Variants in KRT25 observed in about 807,000 individuals in gnomAD.
KRT25 encodes the protein keratin, type I cytoskeletal 25.
Under a neutral mutation model 47.6 loss-of-function variants are expected in KRT25, and 37 were observed. The observed-to-expected ratio is 0.78, with a 90% CI of 0.60 to 1.02. The LOEUF (loss-of-function observed/expected upper bound fraction) is 1.02, where lower values mean the gene tolerates loss of function less well. Ranked by LOEUF, KRT25 falls within the 50% of genes least tolerant of loss-of-function variation. KRT25 has a pLI of 0.00. For synonymous variants in KRT25, 203 were observed against 210.2 expected (o/e 0.97, Z 0.30); for missense variants, 542 against 550.3 (o/e 0.98, Z 0.15).
rs2038016120 is a variant in KRT25, at chr17:40,748,390, A to C, written c.1244-4T>G. 6.4e-7 allele frequency: 1 copy of C among 1,573,678 alleles called. No homozygotes were observed. Reference sequence around the variant, plus strand: ...ACCACTATGGCTTTGGCTGGGTCTGAGCATTAAAAATTAAAAGGAGATTTT... The same window carrying C: ...ACCACTATGGCTTTGGCTGGGTCTGCGCATTAAAAATTAAAAGGAGATTTT... On this transcript the variant is annotated splice_polypyrimidine_tract_variant and splice_region_variant and intron_variant, in intron 7 of 7. Coordinates refer to ENST00000312150, the MANE Select transcript of KRT25 (RefSeq NM_181534.4).
chr17:40,755,351 G>A (rs903272073), upstream of KRT25: 77 of 1,389,748 alleles, frequency 5.5e-5, no homozygotes, highest in Non-Finnish European at 7.2e-5. Context: ...GGTTTGGTTT[G>A]CCTTTTTATA....
In KRT25 at chr17:40,748,175, A is replaced by G. The variant is rs1257654023; in HGVS notation, c.*102T>C. ...AGAAAGAAAGTAACAGAAAGACAAC[A>G]GGTTAGACATTTTTCTTAGACATGC... On this transcript the variant is annotated 3_prime_UTR_variant, in exon 8 of 8. Coordinates refer to ENST00000312150, the MANE Select transcript of KRT25 (RefSeq NM_181534.4). The G allele has an allele frequency of 2.7e-5, 18 of 677,874 alleles. No homozygotes were observed. Among genetic ancestry groups the G allele is most frequent in the Non-Finnish European group, 3.9e-5 (16 of 405,762 alleles). 42.0% of individuals were successfully genotyped at this position (677,874 alleles called of 1,614,324 possible). A position where few individuals can be genotyped will look rare whatever the true frequency, so the allele number is the denominator to read the frequency against.
chr17:40,754,592 C>G (rs1292814971), intron 1 of KRT25, 124 bp from the exon 2 acceptor site: 1 of 900,934 alleles, frequency 1.1e-6, no homozygotes, highest in Non-Finnish European at 1.7e-6. Context: ...GTGGCAGGCA[C>G]CTGTAATCCC....
rs533477885 is a variant in KRT25 at position 40,750,955 on chromosome 17, G to T, written c.956C>A (p.Thr319Lys). The T allele has an allele frequency of 5.9e-4, 956 of 1,613,416 alleles. 23 individuals are homozygous for T. The South Asian group carries it at 9.2e-3, about 16-fold the overall frequency. The change falls in exon 5 of 8, where the codon ACG becomes AAG. Residue 319 changes from threonine to lysine, a missense_variant and splice_region_variant. By Grantham distance (78) the Thr-to-Lys change is moderately conservative. Coordinates refer to ENST00000312150, the MANE Select transcript of KRT25 (RefSeq NM_181534.4). ...GAAAAAAAATTGTTCTTTTCATACC[G>T]TGGCTAGGAGAGACTGAAGTTCAAT... ...LEIELQSLLA[T>K]KHSLECSLTE...
chr17:40,754,288 T>G lies in KRT25; in HGVS notation c.512+98A>C, dbSNP rs2038083540. The G allele has an allele frequency of 3.0e-6, 3 of 1,013,428 alleles. No homozygotes were observed. In the African/African-American group the frequency reaches 4.8e-5, roughly 16 times the overall value. The allele number at this position is 1,013,428 out of a possible 1,614,324, so 62.8% of individuals were successfully genotyped here. ...GTAATAACATCCTGTTTATGTGAAA[T>G]TCAAGTGTTTTATAATTTTGGAATA... is the stretch of plus-strand genomic sequence containing the variant. On this transcript the variant is annotated intron_variant, in intron 2 of 7. Transcript: ENST00000312150.
chr17:40,748,810 C>A (rs1207992821), intron 7 of KRT25, among the ~76,000 whole-genome samples: 2 of 152,166 alleles, frequency 1.3e-5, no homozygotes, highest in South Asian at 4.1e-4. Flanking sequence ...AGAAATCAAC[C>A]TAAATGCCCA....
chr17:40,754,522 A>C (rs1400361312), intron 1 of KRT25, 54 bp from the exon 2 acceptor site: 15 of 1,431,894 alleles, frequency 1.0e-5, no homozygotes, highest in African/African-American at 2.8e-5. Flanking sequence ...AATCTACTTA[A>C]TGCTTATTTC....
Position 40,751,033 on chromosome 17 carries a change from G to A in KRT25, c.878C>T (p.Thr293Ile). The change falls in exon 5 of 8, where the codon ACC becomes ATC. Residue 293 changes from threonine to isoleucine, a missense_variant. Transcript: ENST00000312150. ...QQISEDVGATTSARNELTEMK... is the reference protein window; with the variant it reads ...QQISEDVGATISARNELTEMK... ...TTCAGTCAGCTCATTCCGGGCTGAG[G>A]TTGTGGCTCCGACATCCTCAGAGAT... 2 of 1,614,174 alleles carry A rather than the reference G, an allele frequency of 1.2e-6. No individual in the cohort carries two copies. Among genetic ancestry groups the A allele is most frequent in the Non-Finnish European group, 1.7e-6 (2 of 1,180,044 alleles).
At chr17:40,753,638 C>G (rs1286545956) in intron 3 of KRT25, among the ~76,000 whole-genome samples, 2 of 125,394 alleles carry the variant, frequency 1.6e-5, no homozygotes, top group African/African-American at 6.2e-5. Flanking sequence ...GAGCCAAGAT[C>G]GCACCATTGC....
Position 40,753,900 on chromosome 17 carries a change from A to G in KRT25, c.629T>C (p.Leu210Pro). ...RTDLEIQYET[L>P]SEEMTYLKKN... ...TTTGAGGTAAGTCATCTCCTCACTC[A>G]GGGTTTCATACTGAATCTCCAGATC... Residue 210 changes from leucine to proline, a missense_variant, in exon 3 of 8, where the codon CTG becomes CCG. Coordinates refer to ENST00000312150, the MANE Select transcript of KRT25 (RefSeq NM_181534.4). The G allele has an allele frequency of 6.2e-7, 1 of 1,614,032 alleles. No individual in the cohort carries two copies. Among genetic ancestry groups the G allele is most frequent in the African/African-American group, 1.3e-5 (1 of 75,008 alleles).
intron 7 of KRT25, 80 bp downstream of exon 7, chr17:40,749,178 C>T: frequency 2.8e-6 from 3 of 1,069,990 alleles, no homozygotes; most frequent in Non-Finnish European, 4.3e-6. Context: ...TGTAACAAAC[C>T]TTCCAATGTA....
chr17:40,754,027 G>A lies in KRT25; in HGVS notation c.513-11C>T, dbSNP rs755288740. On this transcript the variant is annotated splice_polypyrimidine_tract_variant and intron_variant, in intron 2 of 7. Coordinates refer to ENST00000312150, the MANE Select transcript of KRT25 (RefSeq NM_181534.4). ...AGCTCATTTTCATACCTTAAAGAGT[G>A]TTAATGATTTCCTAATTTGTCACAT... The A allele has an allele frequency of 6.2e-7, 1 of 1,613,226 alleles. No homozygotes were observed. The highest frequency in any genetic ancestry group is 8.5e-7 in the Non-Finnish European group (1 of 1,179,440).
At chr17:40,748,859 T>C (rs1208655693) in intron 7 of KRT25, among the ~76,000 whole-genome samples, 3 of 152,186 alleles carry the variant, frequency 2.0e-5, no homozygotes, top group African/African-American at 7.2e-5. Context: ...CACCATGGAA[T>C]ATTATGCAGC....
intron 2 of KRT25, 37 bp from the exon 3 acceptor site, chr17:40,754,053 G>T: frequency 6.3e-7 from 1 of 1,599,140 alleles, no homozygotes; most frequent in Non-Finnish European, 8.6e-7. Flanking sequence ...TTTGTCACAT[G>T]GTTGGAGACA....
At chr17:40,753,747 C>A in intron 3 of KRT25, 113 bp downstream of exon 3, 1 of 313,658 alleles carries the variant, frequency 3.2e-6, no homozygotes, top group Non-Finnish European at 6.0e-6. Context: ...TCATGTCTGT[C>A]TGACAATGTG....
Position 40,751,086 on chromosome 17 carries a change from T to C in KRT25, c.832-7A>G. On this transcript the variant is annotated splice_polypyrimidine_tract_variant and splice_region_variant and intron_variant, in intron 4 of 7. Coordinates refer to ENST00000312150, the MANE Select transcript of KRT25 (RefSeq NM_181534.4). ...GCTGCTGCAGGGAGGCGCTCTGAAA[T>C]GACATAAGTGAAGGAGCAAATCTTA... The C allele has an allele frequency of 1.2e-6, 2 of 1,614,128 alleles. No homozygotes were observed. Among genetic ancestry groups the C allele is most frequent in the Non-Finnish European group, 1.7e-6 (2 of 1,180,010 alleles).
Position 40,753,841 on chromosome 17 carries a change from G to A in KRT25, c.669+19C>T. The stretch of plus-strand genomic sequence containing the variant: ...AGTGTCTGCGGAGGGATAGCAAAAT[G>A]TAGACGACCAGCTCTTACCTCTTTA... On this transcript the variant is annotated intron_variant, in intron 3 of 7. Coordinates refer to ENST00000312150, the MANE Select transcript of KRT25 (RefSeq NM_181534.4). 1 of 1,598,900 alleles carries A rather than the reference G, an allele frequency of 6.3e-7. No individual in the cohort carries two copies. The highest frequency in any genetic ancestry group is 1.1e-5 in the South Asian group (1 of 90,740).
intron 7 of KRT25, 49 bp from the exon 8 acceptor site, chr17:40,748,435 A>G: frequency 3.3e-6 from 4 of 1,196,532 alleles, no homozygotes; most frequent in Middle Eastern, 2.0e-4. Flanking sequence ...AAAAAAGAAT[A>G]AAAATTATAT....
chr17:40,753,286 C>G (rs1288038537), intron 3 of KRT25, among the ~76,000 whole-genome samples: 1 of 151,620 alleles, frequency 6.6e-6, no homozygotes, highest in African/African-American at 2.4e-5. Context: ...ATTACACAGC[C>G]AAACACTGCT....
Sources: allele counts gnomAD v4.1 joint callset (sites outside exome capture counted in the v4.1 genomes callset), GRCh38; gene constraint gnomAD v4.1.1; transcripts MANE v1.5; gene names NCBI Gene and HGNC (gene_info 2026-07-23, HGNC 2026-07-21).